The following TEAD1 variants were observed in gnomAD, a reference collection of about 807,000 sequenced individuals.
TEAD1 encodes the protein transcriptional enhancer factor TEF-1.
TEAD1 carries 9 observed loss-of-function variants against 54.9 expected under a neutral mutation model. That is an observed-to-expected ratio of 0.16 (90% confidence interval 0.10 to 0.29). The LOEUF (loss-of-function observed/expected upper bound fraction) is 0.29, where lower values mean the gene tolerates loss of function less well. Among genes scored for constraint, TEAD1 ranks in the 10% least tolerant of loss-of-function variants. TEAD1 has a pLI of 1.00. For synonymous variants in TEAD1, 200 were observed against 187.8 expected (o/e 1.07, Z -0.53); for missense variants, 387 against 535.9 (o/e 0.72, Z 2.74).
At chr11:12,712,834 G>A (rs1235499895) in intron 2 of TEAD1, among the ~76,000 whole-genome samples, 1 of 152,134 alleles carries the variant, frequency 6.6e-6, no homozygotes, top group Non-Finnish European at 1.5e-5. Flanking sequence ...GGAGCCTGTG[G>A]GAAGACTTCA....
At chr11:12,899,023 A>C (rs1422639363) in intron 9 of TEAD1, among the ~76,000 whole-genome samples, 1 of 152,240 alleles carries the variant, frequency 6.6e-6, no homozygotes, top group Non-Finnish European at 1.5e-5. Context: ...AAAGACTTCA[A>C]GTTTCCCAGC....
intron 2 of TEAD1, among the ~76,000 whole-genome samples, chr11:12,681,407 T>C (rs1193484188): frequency 2.0e-5 from 3 of 152,234 alleles, no homozygotes; most frequent in African/African-American, 7.2e-5. Context: ...GCAAAAATTA[T>C]TACCATTTAT....
intron 3 of TEAD1, among the ~76,000 whole-genome samples, chr11:12,784,812 G>A (rs1945643193): frequency 6.6e-6 from 1 of 152,204 alleles, no homozygotes; most frequent in Admixed American, 6.5e-5. Flanking sequence ...CTTCTTCCCA[G>A]CCTCCCTGGG....
At chr11:12,731,453 T>C (rs1043968555) in intron 2 of TEAD1, among the ~76,000 whole-genome samples, 2 of 152,208 alleles carry the variant, frequency 1.3e-5, no homozygotes, top group African/African-American at 4.8e-5. Flanking sequence ...GTATGTATGT[T>C]TTTTTAAAAA....
intron 2 of TEAD1, among the ~76,000 whole-genome samples, chr11:12,701,653 G>A (rs1943704711): frequency 6.6e-6 from 1 of 152,086 alleles, no homozygotes; most frequent in African/African-American, 2.4e-5. Context: ...GGGATTCAGA[G>A]AAGAAAAACT....
intron 2 of TEAD1, among the ~76,000 whole-genome samples, chr11:12,712,926 G>A (rs544472107): frequency 6.6e-6 from 1 of 152,296 alleles, no homozygotes; most frequent in Non-Finnish European, 1.5e-5. Context: ...AGCTAAGTTG[G>A]AAAGGTCTTT....
At chr11:12,852,603 A>G (rs1385486067) in intron 3 of TEAD1, among the ~76,000 whole-genome samples, 1 of 152,052 alleles carries the variant, frequency 6.6e-6, no homozygotes. Context: ...GTGTGCCACC[A>G]CGTCAGGCTA....
intron 3 of TEAD1, among the ~76,000 whole-genome samples, chr11:12,776,919 G>T (rs1030703119): frequency 1.3e-5 from 2 of 151,668 alleles, no homozygotes; most frequent in East Asian, 3.9e-4. Context: ...CTCAGCCTCC[G>T]CAGTGGCTGG....
At chr11:12,787,645 T>C (rs752622855) in intron 3 of TEAD1, among the ~76,000 whole-genome samples, 2 of 152,238 alleles carry the variant, frequency 1.3e-5, no homozygotes, top group Non-Finnish European at 2.9e-5. Flanking sequence ...CTATATAATA[T>C]AGAACTTTCT....
intron 10 of TEAD1, among the ~76,000 whole-genome samples, chr11:12,919,003 T>C (rs1007372591): frequency 3.9e-5 from 6 of 152,164 alleles, no homozygotes; most frequent in African/African-American, 1.4e-4. Context: ...GGAAGGATAT[T>C]TGGGGGAGAG....
At position 12,887,086 on chromosome 11, in the gene TEAD1, T is replaced by G. The variant is rs1280361104; in HGVS notation, c.699+3961T>G. Among the ~76,000 whole-genome samples the G allele has an allele frequency of 2.6e-3, 23 of 8,704 alleles. 3 individuals are homozygous for G. The Admixed American group carries it at 0.032, about 12-fold the overall frequency. The allele number at this position is 8,704 out of a possible 152,430, so 5.7% of individuals were successfully genotyped here. ...ATGAATGTGGAAGTTTTTTTGTTTT[T>G]TTTTTTGTTTGTTTTTTTTTTTTTT... On this transcript the variant is annotated intron_variant, in intron 9 of 12. Transcript: ENST00000527636.
chr11:12,678,765 G>A (rs1220806279), intron 2 of TEAD1, among the ~76,000 whole-genome samples: 2 of 152,166 alleles, frequency 1.3e-5, no homozygotes, highest in Non-Finnish European at 2.9e-5. Flanking sequence ...TCAAAGCTGT[G>A]AACTCTTGAG....
intron 4 of TEAD1, 107 bp from the exon 5 acceptor site, chr11:12,864,731 A>G: frequency 6.2e-7 from 1 of 1,607,778 alleles, no homozygotes; most frequent in Non-Finnish European, 8.5e-7. Context: ...AGTTCGAGAA[A>G]TTCAAGCCGC....
intron 2 of TEAD1, among the ~76,000 whole-genome samples, chr11:12,689,595 G>C (rs746213139): frequency 6.6e-6 from 1 of 152,216 alleles, no homozygotes; most frequent in Non-Finnish European, 1.5e-5. Context: ...TCATCCAGCA[G>C]CTGTGAAGTA....
rs1429139416 is a variant in TEAD1 at position 12,937,413 on chromosome 11, T to C, written c.*191T>C. 46 of 509,572 alleles carry C rather than the reference T, an allele frequency of 9.0e-5. 1 individual carries two copies. In the Admixed American group the frequency reaches 1.4e-3, roughly 16 times the overall value. The allele number at this position is 509,572 out of a possible 1,614,324, so 31.6% of individuals were successfully genotyped here. On this transcript the variant is annotated 3_prime_UTR_variant, in exon 13 of 13. Transcript: ENST00000527636. Reference sequence around the variant, plus strand: ...ATTTTTTCATGTGTTCATACTATCATTGTAGCTGTGAAGTTCTGGTACAGT... The same window carrying C: ...ATTTTTTCATGTGTTCATACTATCACTGTAGCTGTGAAGTTCTGGTACAGT...
At chr11:12,693,938 G>T (rs1326748897) in intron 2 of TEAD1, among the ~76,000 whole-genome samples, 1 of 152,188 alleles carries the variant, frequency 6.6e-6, no homozygotes, top group Non-Finnish European at 1.5e-5. Flanking sequence ...GTTAGGTTCT[G>T]CTGCCTGCCT....
At chr11:12,680,430 C>T (rs1943194487) in intron 2 of TEAD1, among the ~76,000 whole-genome samples, 2 of 152,252 alleles carry the variant, frequency 1.3e-5, no homozygotes, top group African/African-American at 4.8e-5. Context: ...ACCGAATTCA[C>T]TTCCGTGGTG....
At chr11:12,804,395 A>T (rs979288772) in intron 3 of TEAD1, among the ~76,000 whole-genome samples, 1 of 152,260 alleles carries the variant, frequency 6.6e-6, no homozygotes, top group Non-Finnish European at 1.5e-5. Context: ...TGAAAACCTT[A>T]TTAAGCAGAA....
intron 5 of TEAD1, among the ~76,000 whole-genome samples, chr11:12,877,655 A>G (rs1319118885): frequency 2.0e-5 from 3 of 147,892 alleles, no homozygotes; most frequent in Non-Finnish European, 4.4e-5. Flanking sequence ...GTGAAACTCC[A>G]TCTCAAAAAA....
Sources: gnomAD v4.1 joint callset for allele counts (sites outside exome capture counted in the v4.1 genomes callset) on GRCh38, gnomAD v4.1.1 for gene constraint, MANE v1.5 for transcripts, NCBI Gene and HGNC (gene_info 2026-07-23, HGNC 2026-07-21) for gene names.